Variants in SMIM22 observed in about 807,000 individuals in gnomAD.
The protein encoded by SMIM22 is cancer associated small integral membrane open reading frame 1.
Under a neutral mutation model 8.4 loss-of-function variants are expected in SMIM22, and 16 were observed. The observed-to-expected ratio is 1.90, with a 90% confidence interval of 1.29 to 2.89. The LOEUF is 2.89. Among genes scored for constraint, SMIM22 ranks in the 30% most tolerant of loss-of-function variants. SMIM22 has a pLI of 0.00. For synonymous variants in SMIM22, 67 were observed against 47.6 expected, an observed-to-expected ratio of 1.41 and a Z score of -1.68; for missense variants, 159 against 107.5, an observed-to-expected ratio of 1.48 and a Z score of -2.12.
upstream of SMIM22, among the ~76,000 whole-genome samples, chr16:4,793,594 A>G (rs775108224): frequency 4.6e-5 from 7 of 152,200 alleles, no homozygotes; most frequent in Non-Finnish European, 7.3e-5. Flanking sequence ...GACAGTGAAG[A>G]GTCCTAGTAC....
intron 1 of SMIM22, 102 bp downstream of exon 1, chr16:4,795,551 G>A: frequency 2.4e-6 from 2 of 824,036 alleles, no homozygotes; most frequent in Non-Finnish European, 3.7e-6. Flanking sequence ...GGCTGGGCAA[G>A]GAGAGAAGCT....
upstream of SMIM22, among the ~76,000 whole-genome samples, chr16:4,793,436 G>A (rs973738938): frequency 2.0e-5 from 3 of 152,270 alleles, no homozygotes; most frequent in Middle Eastern, 6.8e-3. Flanking sequence ...ACTTCTCTAG[G>A]CCTCCGTTTC....
At position 4,796,277 on chromosome 16, in the gene SMIM22, C is replaced by T; in HGVS notation, c.*46C>T. 1 of 1,531,734 alleles carries T rather than the reference C, an allele frequency of 6.5e-7. No individual in the cohort carries two copies. Among genetic ancestry groups the T allele is most frequent in the Non-Finnish European group, 8.7e-7 (1 of 1,144,336 alleles). 94.9% of individuals were successfully genotyped at this position (1,531,734 alleles called of 1,614,324 possible). A position where few individuals can be genotyped will look rare whatever the true frequency, so the allele number is the denominator to read the frequency against. ...GGCAGTAACAAAGCCTTCTGTCTGC[C>T]CAGAGCCTGAGTCTGCAGTGTCTTC... On this transcript the variant is annotated 3_prime_UTR_variant, in exon 4 of 4. Transcript: ENST00000586005.
rs1461284859 is a variant in SMIM22 at position 4,796,326 on chromosome 16, G to C, written c.*95G>C. On this transcript the variant is annotated 3_prime_UTR_variant, in exon 4 of 4. Coordinates refer to ENST00000586005, the MANE Select transcript of SMIM22 (RefSeq NM_001253794.2). ...TCCAGTCCCCGTCTGGGTGGGTGAC[G>C]CGGGACTCGCCGCCCCACTCAGGTG... 3.2e-5 allele frequency: 46 copies of C among 1,432,772 alleles called. No individual in the cohort carries two copies. Among genetic ancestry groups the C allele is most frequent in the Non-Finnish European group, 4.2e-5 (45 of 1,068,410 alleles). The allele number at this position is 1,432,772 out of a possible 1,614,324, so 88.8% of individuals were successfully genotyped here.
At chr16:4,791,938 C>T (rs543088582), upstream of SMIM22, among the ~76,000 whole-genome samples, 9 of 152,274 alleles carry the variant, frequency 5.9e-5, no homozygotes, top group South Asian at 2.1e-4. Context: ...CTGCCCACCT[C>T]GGCCTCCCAA....
At chr16:4,793,659 C>T (rs1475583067), upstream of SMIM22, among the ~76,000 whole-genome samples, 1 of 152,192 alleles carries the variant, frequency 6.6e-6, no homozygotes, top group African/African-American at 2.4e-5. Flanking sequence ...CAACCACAGA[C>T]AGAAAATATT....
At position 4,795,997 on chromosome 16, in the gene SMIM22, C is replaced by G. The variant is rs1278006416; in HGVS notation, c.174C>G (p.Cys58Trp). The G allele has an allele frequency of 6.6e-7, 1 of 1,508,910 alleles. No individual in the cohort carries two copies. Among genetic ancestry groups the G allele is most frequent in the African/African-American group, 1.4e-5 (1 of 72,386 alleles). 93.5% of individuals were successfully genotyped at this position (1,508,910 alleles called of 1,614,324 possible). Reference protein sequence around the residue: ...LLLVVAHCCCCSSPGPRRESP... With the variant: ...LLLVVAHCCCWSSPGPRRESP... Reference sequence around the variant, plus strand: ...TGGTCGTCGCCCACTGCTGCTGCTGCAGCTCCCCCGGGCCCCGCAGGGAAA... The same window carrying G: ...TGGTCGTCGCCCACTGCTGCTGCTGGAGCTCCCCCGGGCCCCGCAGGGAAA... The change falls in exon 3 of 4, where the codon TGC becomes TGG. Residue 58 changes from cysteine to tryptophan, a missense_variant. Physicochemically the swap from Cys to Trp is radical, Grantham distance 215. Coordinates refer to ENST00000586005, the MANE Select transcript of SMIM22 (RefSeq NM_001253794.2).
upstream of SMIM22, among the ~76,000 whole-genome samples, chr16:4,793,094 A>G (rs2082577622): frequency 1.5e-5 from 2 of 136,506 alleles, no homozygotes; most frequent in Admixed American, 8.0e-5. Context: ...CAGCAAAAAG[A>G]GCGAAACTCT....
chr16:4,793,937 C>T (rs1241209153), upstream of SMIM22, among the ~76,000 whole-genome samples: 3 of 150,742 alleles, frequency 2.0e-5, no homozygotes, highest in East Asian at 3.9e-4. Flanking sequence ...CCACCGCACC[C>T]AGCCAATTTA....
upstream of SMIM22, among the ~76,000 whole-genome samples, chr16:4,793,551 G>C (rs1002841633): frequency 6.6e-6 from 1 of 152,136 alleles, no homozygotes; most frequent in Non-Finnish European, 1.5e-5. Flanking sequence ...CACATTAGCT[G>C]ATATTTTCAA....
upstream of SMIM22, among the ~76,000 whole-genome samples, chr16:4,793,741 T>G (rs1445492843): frequency 6.6e-6 from 1 of 152,108 alleles, no homozygotes; most frequent in East Asian, 1.9e-4. Context: ...AATGTAACAA[T>G]TATTTACCTA....
upstream of SMIM22, among the ~76,000 whole-genome samples, chr16:4,791,606 C>CT (rs1251796722): frequency 1.3e-5 from 2 of 152,190 alleles, no homozygotes; most frequent in Non-Finnish European, 2.9e-5. Flanking sequence ...GTCCAGAAGT[C>CT]TGACTCACCG....
intron 2 of SMIM22, among the ~76,000 whole-genome samples, chr16:4,788,938 G>C (rs2082504130): frequency 6.6e-6 from 1 of 152,184 alleles, no homozygotes; most frequent in Admixed American, 6.6e-5. Context: ...CCTGACTTGA[G>C]ATGCCCTCTT....
upstream of SMIM22, among the ~76,000 whole-genome samples, chr16:4,793,308 C>T (rs563782364): frequency 2.0e-5 from 3 of 152,226 alleles, no homozygotes; most frequent in East Asian, 5.8e-4. Context: ...ATTTTAGACT[C>T]TGACCTTCAG....
upstream of SMIM22, among the ~76,000 whole-genome samples, chr16:4,792,409 C>G (rs1033346570): frequency 1.1e-4 from 17 of 149,988 alleles, no homozygotes; most frequent in Non-Finnish European, 1.9e-4. Context: ...CCAGGATGGT[C>G]TCGATCTCCT....
chr16:4,796,247 C>T lies in SMIM22; in HGVS notation c.*16C>T. 2 of 1,535,360 alleles carry T rather than the reference C, an allele frequency of 1.3e-6. No homozygotes were observed. Among genetic ancestry groups the T allele is most frequent in the Admixed American group, 2.0e-5 (1 of 50,932 alleles). ...GGAACCCTGACCCTGTGTCTCCTGCCCGGTGGCAGTAACAAAGCCTTCTGT... is the reference window on the plus strand; with the variant it reads ...GGAACCCTGACCCTGTGTCTCCTGCTCGGTGGCAGTAACAAAGCCTTCTGT... On this transcript the variant is annotated 3_prime_UTR_variant, in exon 4 of 4. Coordinates refer to ENST00000586005, the MANE Select transcript of SMIM22 (RefSeq NM_001253794.2).
upstream of SMIM22, among the ~76,000 whole-genome samples, chr16:4,792,310 C>A (rs2082563287): frequency 6.6e-6 from 1 of 151,754 alleles, no homozygotes; most frequent in East Asian, 2.0e-4. Context: ...CCTGCCTCAG[C>A]CTCCCGAGTA....
chr16:4,795,704 G>C lies in SMIM22; in HGVS notation c.-20-11G>C. On this transcript the variant is annotated splice_polypyrimidine_tract_variant and intron_variant, in intron 1 of 3. Transcript: ENST00000586005. ...CAGGATCCTGATGCAGCCTCTGGGGGACCGGGGCAGGTGGCACGGTGCACG... is the reference window on the plus strand; with the variant it reads ...CAGGATCCTGATGCAGCCTCTGGGGCACCGGGGCAGGTGGCACGGTGCACG... The C allele has an allele frequency of 2.0e-6, 3 of 1,533,270 alleles. No homozygotes were observed. Among genetic ancestry groups the C allele is most frequent in the Non-Finnish European group, 2.6e-6 (3 of 1,145,876 alleles). The allele number at this position is 1,533,270 out of a possible 1,614,324, so 95.0% of individuals were successfully genotyped here.
chr16:4,788,557 A>T (rs960112112), exon 1 of SMIM22: 1 of 152,102 alleles, frequency 6.6e-6, no homozygotes, highest in Non-Finnish European at 1.5e-5. Flanking sequence ...CTCCAAGCTG[A>T]CGCCCTCAAC....
Sources: allele counts gnomAD v4.1 joint callset (sites outside exome capture counted in the v4.1 genomes callset), GRCh38; gene constraint gnomAD v4.1.1; transcripts MANE v1.5; gene names NCBI Gene and HGNC (gene_info 2026-07-23, HGNC 2026-07-21).